The following HS1BP3 variants were observed in gnomAD, a reference collection of about 807,000 sequenced individuals.
HS1BP3 encodes the protein HCLS1-binding protein 3.
In HS1BP3, 32 loss-of-function variants were observed where a neutral mutation model predicts 33.5. That is an observed-to-expected ratio of 0.95 (90% CI 0.72 to 1.28). HS1BP3 has a LOEUF of 1.28. Ranked by LOEUF, HS1BP3 falls within the 50% of genes most tolerant of loss-of-function variation. HS1BP3 has a pLI of 0.00. For missense variants in HS1BP3, 486 were observed against 502.3 expected, an observed-to-expected ratio of 0.97 and a Z score of 0.31; for synonymous variants, 187 against 209.2, an observed-to-expected ratio of 0.89 and a Z score of 0.92.
chr2:20,641,186 A>G lies in HS1BP3; in HGVS notation c.199-6T>C. ...TCGCTGTACTTTTTGGAGACCTGGA[A>G]TGAGAGGAGCATGTGGTTTCCTGAG... On this transcript the variant is annotated splice_polypyrimidine_tract_variant and splice_region_variant and intron_variant, in intron 2 of 6. Coordinates refer to ENST00000304031, the MANE Select transcript of HS1BP3 (RefSeq NM_022460.4). 6.2e-7 allele frequency: 1 copy of G among 1,600,932 alleles called. No homozygotes were observed. The highest frequency in any genetic ancestry group is 1.7e-5 in the Admixed American group (1 of 60,006).
At chr2:20,620,922 A>G (rs1003964551) in intron 6 of HS1BP3, among the ~76,000 whole-genome samples, 5 of 152,234 alleles carry the variant, frequency 3.3e-5, no homozygotes, top group Admixed American at 2.0e-4. Flanking sequence ...CCTGGAAAGA[A>G]GGTGTTGAAG....
chr2:20,579,572 G>C (rs1333515519), intron 5 of HS1BP3, among the ~76,000 whole-genome samples: 3 of 152,206 alleles, frequency 2.0e-5, no homozygotes, highest in Non-Finnish European at 4.4e-5. Context: ...GGCATACCAG[G>C]CTCAATGGGG....
chr2:20,626,390 T>A (rs1694785533), intron 4 of HS1BP3, among the ~76,000 whole-genome samples: 1 of 152,114 alleles, frequency 6.6e-6, no homozygotes, highest in African/African-American at 2.4e-5. Flanking sequence ...GCAGGGCTCG[T>A]TTGTTGGATG....
chr2:20,569,409 G>C lies in HS1BP3; in HGVS notation c.303-8894C>G, dbSNP rs1195802216. Among the ~76,000 whole-genome samples, 2 of 152,178 alleles carry C rather than the reference G, an allele frequency of 1.3e-5. 1 individual carries two copies. The highest frequency in any genetic ancestry group is 4.8e-5 in the African/African-American group (2 of 41,446). Reference sequence around the variant, plus strand: ...GTGGACAGACTGTGGCTGCCTCTCAGAACAGGCTGACTCCTACATAGGGTG... The same window carrying C: ...GTGGACAGACTGTGGCTGCCTCTCACAACAGGCTGACTCCTACATAGGGTG... On this transcript the variant is annotated intron_variant, in intron 5 of 5. Coordinates refer to the HS1BP3 transcript ENST00000446825.
intron 3 of HS1BP3, chr2:20,640,634 T>C: frequency 2.0e-6 from 1 of 493,744 alleles, no homozygotes. Flanking sequence ...GAGTGTGGGG[T>C]GTGTGTCAGG....
intron 5 of HS1BP3, among the ~76,000 whole-genome samples, chr2:20,583,747 C>A (rs1693615313): frequency 6.6e-6 from 1 of 152,172 alleles, no homozygotes; most frequent in African/African-American, 2.4e-5. Flanking sequence ...CAGTGTGGCC[C>A]CCAAGCCCTC....
At chr2:20,601,770 CTTTTTTTTTT>C (rs35644786) in intron 2 of HS1BP3, among the ~76,000 whole-genome samples, 1,967 of 69,148 alleles carry the variant, frequency 0.028, 68 homozygotes, top group African/African-American at 0.1. Context: ...AGTGTGTCTT[CTTTTTTTTTT>C]TTTTTTTTTT....
intron 5 of HS1BP3, among the ~76,000 whole-genome samples, chr2:20,576,163 T>C (rs1693395228): frequency 6.6e-6 from 1 of 152,168 alleles, no homozygotes; most frequent in Non-Finnish European, 1.5e-5. Flanking sequence ...TTAGTTTTTG[T>C]AGAGATAGGA....
At chr2:20,641,626 C>T (rs16987942) in intron 2 of HS1BP3, among the ~76,000 whole-genome samples, 2,299 of 152,288 alleles carry the variant, frequency 0.015, 42 homozygotes, top group African/African-American at 0.045. Flanking sequence ...TGGCCTTCGG[C>T]GGGCCAGCCA....
At chr2:20,576,616 G>C (rs1169076186) in intron 5 of HS1BP3, among the ~76,000 whole-genome samples, 1 of 152,242 alleles carries the variant, frequency 6.6e-6, no homozygotes, top group Non-Finnish European at 1.5e-5. Context: ...GTACTGTAAA[G>C]TGCCTGGCAT....
At chr2:20,587,017 G>C (rs1442290400) in intron 5 of HS1BP3, among the ~76,000 whole-genome samples, 2 of 152,048 alleles carry the variant, frequency 1.3e-5, no homozygotes, top group Admixed American at 1.3e-4. Flanking sequence ...GAAACATTTT[G>C]GCAACACATA....
At chr2:20,624,346 C>T (rs1474123516) in intron 5 of HS1BP3, among the ~76,000 whole-genome samples, 2 of 152,160 alleles carry the variant, frequency 1.3e-5, no homozygotes, top group Non-Finnish European at 2.9e-5. Flanking sequence ...ATTCCCCTCA[C>T]CGGAGGACGA....
intron 4 of HS1BP3, 34 bp from the exon 5 acceptor site, chr2:20,624,926 T>C (rs1694729286): frequency 6.2e-7 from 1 of 1,612,474 alleles, no homozygotes; most frequent in Non-Finnish European, 8.5e-7. Flanking sequence ...AAGGTGAGGA[T>C]TTCCCACAAG....
chr2:20,640,896 C>T lies in HS1BP3; in HGVS notation c.406+77G>A, dbSNP rs748491947. The stretch of plus-strand genomic sequence containing the variant: ...GGCTGCAGAGGCAGCTGTGGACATG[C>T]TCCCACTGGGGCACGGCAGCGGGGC... On this transcript the variant is annotated intron_variant, in intron 3 of 6. Coordinates refer to ENST00000304031, the MANE Select transcript of HS1BP3 (RefSeq NM_022460.4). 4 of 1,421,106 alleles carry T rather than the reference C, an allele frequency of 2.8e-6. No individual in the cohort carries two copies. The African/African-American group carries it at 4.2e-5, about 15-fold the overall frequency. The allele number at this position is 1,421,106 out of a possible 1,614,324, so 88.0% of individuals were successfully genotyped here.
At chr2:20,563,061 C>A (rs919354523) in intron 5 of HS1BP3, among the ~76,000 whole-genome samples, 2 of 152,214 alleles carry the variant, frequency 1.3e-5, no homozygotes, top group African/African-American at 4.8e-5. Context: ...GAGGCTCCGA[C>A]CTTCCTAAAA....
chr2:20,581,340 ATTTCTTTTTCTT>A (rs888149019), intron 5 of HS1BP3, among the ~76,000 whole-genome samples: 1 of 151,946 alleles, frequency 6.6e-6, no homozygotes. Context: ...ACAAATATTT[ATTTCTTTTTCTT>A]TTTCTTTTCT....
Position 20,650,761 on chromosome 2 carries a change from C to T in HS1BP3, c.32+271G>A, listed in dbSNP as rs369667448. ...AAAGGAGAGCAGAGTCCCCACTGCG[C>T]CCGCCTGCACTGAACCAGTCAGTCC... On this transcript the variant is annotated intron_variant, in intron 1 of 6. Transcript: ENST00000304031. Among the ~76,000 whole-genome samples the T allele has an allele frequency of 8.8e-4, 134 of 152,360 alleles. 2 individuals are homozygous for T. In the South Asian group the frequency reaches 0.025, roughly 29 times the overall value.
At chr2:20,568,127 A>G (rs1693180090) in intron 5 of HS1BP3, among the ~76,000 whole-genome samples, 1 of 152,290 alleles carries the variant, frequency 6.6e-6, no homozygotes, top group Non-Finnish European at 1.5e-5. Context: ...CCCTATACTC[A>G]GGGCCATTCT....
chr2:20,574,462 T>C (rs765665403), intron 5 of HS1BP3, among the ~76,000 whole-genome samples: 2 of 152,218 alleles, frequency 1.3e-5, no homozygotes, highest in Non-Finnish European at 2.9e-5. Context: ...CTGCCTCCTT[T>C]TTCCCACCAC....
Sources: allele counts gnomAD v4.1 joint callset (sites outside exome capture counted in the v4.1 genomes callset), GRCh38; gene constraint gnomAD v4.1.1; transcripts MANE v1.5; gene names NCBI Gene and HGNC (gene_info 2026-07-23, HGNC 2026-07-21).